The following SLC24A2 variants were observed in gnomAD, a reference collection of about 807,000 sequenced individuals.
SLC24A2 encodes solute carrier family 24 member 2.
A neutral mutation model predicts 62.0 loss-of-function variants in SLC24A2; 36 were observed. That is an observed-to-expected ratio of 0.58 (90% confidence interval 0.44 to 0.77). The LOEUF is 0.77. SLC24A2 is among the 30% of genes least tolerant of loss of function. The pLI is 0.00. For missense variants in SLC24A2, 846 were observed against 817.9 expected, an observed-to-expected ratio of 1.03 and a Z score of -0.42; for synonymous variants, 358 against 294.0, an observed-to-expected ratio of 1.22 and a Z score of -2.23.
chr9:19,544,264 T>TTTTTC (rs141950386), intron 8 of SLC24A2, among the ~76,000 whole-genome samples: 5 of 150,072 alleles, frequency 3.3e-5, no homozygotes, highest in Non-Finnish European at 7.4e-5. Context: ...GCTTTTTTTT[T>TTTTTC]TTTTCTTTCT....
the SLC24A2 span, among the ~76,000 whole-genome samples, chr9:20,070,603 T>A: frequency 6.6e-6 from 1 of 152,222 alleles, no homozygotes; most frequent in Non-Finnish European, 1.5e-5. Context: ...TTGCACAGAA[T>A]AACAGCAGAG....
chr9:19,835,686 G>C, the SLC24A2 span, among the ~76,000 whole-genome samples: 2 of 152,178 alleles, frequency 1.3e-5, no homozygotes, highest in South Asian at 2.1e-4. Context: ...AAGTTAACAA[G>C]GATATCCAAT....
At chr9:20,038,973 G>A in the SLC24A2 span, among the ~76,000 whole-genome samples, 5 of 152,202 alleles carry the variant, frequency 3.3e-5, no homozygotes, top group African/African-American at 1.2e-4. Flanking sequence ...GAAAATGGAT[G>A]CGTCTTAAAT....
chr9:20,235,743 CCTA>C, the SLC24A2 span, among the ~76,000 whole-genome samples: 8 of 152,208 alleles, frequency 5.3e-5, no homozygotes, highest in Non-Finnish European at 1.0e-4. Flanking sequence ...CTGTCCTGCA[CCTA>C]CTGTCTGGCA....
At chr9:19,535,922 T>A (rs969369934) in intron 8 of SLC24A2, among the ~76,000 whole-genome samples, 5 of 150,614 alleles carry the variant, frequency 3.3e-5, no homozygotes, top group Non-Finnish European at 7.3e-5. Flanking sequence ...AATCTATAAA[T>A]TACTTTGGAA....
At chr9:20,263,102 G>A in the SLC24A2 span, among the ~76,000 whole-genome samples, 1 of 152,152 alleles carries the variant, frequency 6.6e-6, no homozygotes, top group Non-Finnish European at 1.5e-5. Context: ...GGTGTTTCTT[G>A]TAGCCCAATA....
chr9:19,816,119 A>G, the SLC24A2 span, among the ~76,000 whole-genome samples: 2 of 151,832 alleles, frequency 1.3e-5, no homozygotes, highest in Non-Finnish European at 2.9e-5. Flanking sequence ...TCTTACTAGG[A>G]GTATTCTGTG....
the SLC24A2 span, among the ~76,000 whole-genome samples, chr9:20,268,035 T>G: frequency 6.6e-6 from 1 of 152,178 alleles, no homozygotes; most frequent in Non-Finnish European, 1.5e-5. Flanking sequence ...ACAGCCACGT[T>G]ATCTGCTATT....
At chr9:19,854,324 T>G in the SLC24A2 span, among the ~76,000 whole-genome samples, 1 of 152,188 alleles carries the variant, frequency 6.6e-6, no homozygotes, top group Non-Finnish European at 1.5e-5. Flanking sequence ...CTGAGCTTAG[T>G]TATTTCTTGT....
At chr9:19,920,260 T>C in the SLC24A2 span, among the ~76,000 whole-genome samples, 80 of 152,344 alleles carry the variant, frequency 5.3e-4, no homozygotes, top group Admixed American at 1.9e-3. Context: ...TCAATATTTC[T>C]TGCAGATTGA....
rs570741496 is a variant in SLC24A2, at chr9:19,509,323, C to T, written c.*6830G>A. 3.3e-5 allele frequency: 5 copies of T among 152,196 alleles called. No homozygotes were observed. Among genetic ancestry groups the T allele is most frequent in the African/African-American group, 1.2e-4 (5 of 41,558 alleles). The allele number at this position is 152,196 out of a possible 1,614,324, so 9.4% of individuals were successfully genotyped here. A position where few individuals can be genotyped will look rare whatever the true frequency, so the allele number is the denominator to read the frequency against. ...TGATTTTCAAACAGTTTTATTAAAGCACACATCTAAAATGTATAAGTAGAT... is the reference window on the plus strand; with the variant it reads ...TGATTTTCAAACAGTTTTATTAAAGTACACATCTAAAATGTATAAGTAGAT... On this transcript the variant is annotated 3_prime_UTR_variant, in exon 11 of 11. Coordinates refer to ENST00000341998, the MANE Select transcript of SLC24A2 (RefSeq NM_020344.4).
At chr9:19,522,329 G>T (rs1833242350) in intron 9 of SLC24A2, among the ~76,000 whole-genome samples, 1 of 152,084 alleles carries the variant, frequency 6.6e-6, no homozygotes, top group Non-Finnish European at 1.5e-5. Context: ...TTCATGTTTT[G>T]CTGGACTTGG....
At chr9:20,163,600 A>C in the SLC24A2 span, among the ~76,000 whole-genome samples, 4 of 152,156 alleles carry the variant, frequency 2.6e-5, no homozygotes, top group Non-Finnish European at 1.5e-5. Flanking sequence ...CAAGCTACCA[A>C]TGACTTTCTT....
chr9:19,514,217 G>T lies in SLC24A2; in HGVS notation c.*1936C>A. 6.6e-6 allele frequency: 1 copy of T among 152,178 alleles called. No homozygotes were observed. The highest frequency in any genetic ancestry group is 2.4e-5 in the African/African-American group (1 of 41,430). The allele number at this position is 152,178 out of a possible 1,614,324, so 9.4% of individuals were successfully genotyped here. ...TGGAAGGAATACTGAGCTTGATCTG[G>T]GGCTGTCAGGTTACCTTTCCTCTTA... On this transcript the variant is annotated 3_prime_UTR_variant, in exon 11 of 11. Transcript: ENST00000341998.
chr9:20,192,355 G>C, the SLC24A2 span, among the ~76,000 whole-genome samples: 1 of 151,854 alleles, frequency 6.6e-6, no homozygotes, highest in Non-Finnish European at 1.5e-5. Flanking sequence ...GGGGCAGCCA[G>C]TGAATGTTTT....
At chr9:20,043,315 TC>T in the SLC24A2 span, among the ~76,000 whole-genome samples, 2 of 152,236 alleles carry the variant, frequency 1.3e-5, no homozygotes, top group Non-Finnish European at 2.9e-5. Context: ...AATGTTGTTT[TC>T]TTGCCTGCTA....
At chr9:20,203,122 GAA>G in the SLC24A2 span, among the ~76,000 whole-genome samples, 79 of 143,948 alleles carry the variant, frequency 5.5e-4, no homozygotes, top group East Asian at 1.2e-3. Flanking sequence ...TGACTAAAAG[GAA>G]AAAAAAAAAA....
the SLC24A2 span, among the ~76,000 whole-genome samples, chr9:20,121,210 A>T: frequency 6.6e-6 from 1 of 151,030 alleles, no homozygotes; most frequent in Middle Eastern, 3.2e-3. Flanking sequence ...CAATTTGGAA[A>T]TAAATGGCAT....
intron 2 of SLC24A2, among the ~76,000 whole-genome samples, chr9:19,755,787 G>C (rs951685861): frequency 6.6e-5 from 10 of 152,298 alleles, no homozygotes; most frequent in Admixed American, 2.0e-4. Flanking sequence ...CAACTTCACA[G>C]TTTAATTCCT....
Sources: allele counts gnomAD v4.1 joint callset (sites outside exome capture counted in the v4.1 genomes callset), GRCh38; gene constraint gnomAD v4.1.1; transcripts MANE v1.5; gene names NCBI Gene and HGNC (gene_info 2026-07-23, HGNC 2026-07-21).